SAPCD2: variants seen among roughly 807,000 people sequenced by gnomAD.
SAPCD2 encodes the protein suppressor APC domain containing 2, also known as suppressor APC domain-containing protein 2.
A neutral mutation model predicts 37.8 loss-of-function variants in SAPCD2; 34 were observed. The ratio of observed to expected loss-of-function variants is 0.90; its 90% CI spans 0.68 to 1.20. The LOEUF (loss-of-function observed/expected upper bound fraction) is 1.20, where lower values mean the gene tolerates loss of function less well. Ranked by LOEUF, SAPCD2 falls within the 50% of genes most tolerant of loss-of-function variation. The pLI, the probability that SAPCD2 is intolerant of heterozygous loss-of-function variation, is 0.00. For synonymous variants in SAPCD2, 275 were observed against 270.3 expected (o/e 1.02, Z -0.17); for missense variants, 572 against 584.7 (o/e 0.98, Z 0.22).
chr9:137,066,195 G>T (rs747582550), intron 2 of SAPCD2, 67 bp downstream of exon 2: 5 of 1,274,312 alleles, frequency 3.9e-6, no homozygotes, highest in Non-Finnish European at 5.5e-6. Flanking sequence ...AGGCCCCCCT[G>T]CTCCCATCCC....
chr9:137,064,846 T>C lies in SAPCD2; in HGVS notation c.1056+17A>G. The C allele has an allele frequency of 6.4e-7, 1 of 1,569,608 alleles. No individual in the cohort carries two copies. The highest frequency in any genetic ancestry group is 1.8e-5 in the Admixed American group (1 of 54,156). ...GGCCTCACCCCCACCCCTGCACCCCTCCCGCGCCTGCCCTACCTGGGTGAG... is the reference window on the plus strand; with the variant it reads ...GGCCTCACCCCCACCCCTGCACCCCCCCCGCGCCTGCCCTACCTGGGTGAG... On this transcript the variant is annotated intron_variant, in intron 5 of 5. Transcript: ENST00000409687.
rs1832511391 is a variant in SAPCD2 at position 137,064,435 on chromosome 9, T to C, written c.*224A>G. On this transcript the variant is annotated 3_prime_UTR_variant, in exon 6 of 6. Transcript: ENST00000409687. The stretch of plus-strand genomic sequence containing the variant: ...GCGGACTCAAGAGAGCCCCAGCCCA[T>C]GTCAGCACCAGGAGCCAAAACGGAG... 1.0e-5 allele frequency: 6 copies of C among 592,290 alleles called. No individual in the cohort carries two copies. The highest frequency in any genetic ancestry group is 9.0e-6 in the Non-Finnish European group (3 of 333,248). 36.7% of individuals were successfully genotyped at this position (592,290 alleles called of 1,614,324 possible). A position where few individuals can be genotyped will look rare whatever the true frequency, so the allele number is the denominator to read the frequency against.
chr9:137,065,080 G>A lies in SAPCD2; in HGVS notation c.937C>T (p.Arg313Trp), dbSNP rs747986989. The change falls in exon 4 of 6, where the codon CGG becomes TGG. Residue 313 changes from arginine to tryptophan, a missense_variant and splice_region_variant. Coordinates refer to ENST00000409687, the MANE Select transcript of SAPCD2 (RefSeq NM_178448.4). ...GELLAAACAS[R>W]ALPPSSSGPP... ...GTGGGGGTTTGGGGTACACTCACCCGGCTGGCACAGGCTGCAGCCAGCAGC... is the reference window on the plus strand; with the variant it reads ...GTGGGGGTTTGGGGTACACTCACCCAGCTGGCACAGGCTGCAGCCAGCAGC... 41 of 1,524,126 alleles carry A rather than the reference G, an allele frequency of 2.7e-5. No homozygotes were observed. Among genetic ancestry groups the A allele is most frequent in the South Asian group, 2.4e-4 (19 of 79,480 alleles). The allele number at this position is 1,524,126 out of a possible 1,614,324, so 94.4% of individuals were successfully genotyped here.
rs561896552 is a variant in SAPCD2 at position 137,066,128 on chromosome 9, T to G, written c.684+134A>C. 1.7e-5 allele frequency: 13 copies of G among 743,362 alleles called. No individual in the cohort carries two copies. In the African/African-American group the frequency reaches 2.3e-4, roughly 13 times the overall value. The allele number at this position is 743,362 out of a possible 1,614,324, so 46.0% of individuals were successfully genotyped here. A position where few individuals can be genotyped will look rare whatever the true frequency, so the allele number is the denominator to read the frequency against. On this transcript the variant is annotated intron_variant, in intron 2 of 5. Transcript: ENST00000409687. ...TCCCTCCAGGGGAGTCAAGCCCAGGTAGGGAGAGAGATGTCCAGAGCTGAC... is the reference window on the plus strand; with the variant it reads ...TCCCTCCAGGGGAGTCAAGCCCAGGGAGGGAGAGAGATGTCCAGAGCTGAC...
Position 137,070,407 on chromosome 9 carries a change from C to CGCGGGT in SAPCD2, c.48_53dup (p.Ala18_Pro19dup). On this transcript the variant is annotated inframe_insertion, in exon 1 of 6. Transcript: ENST00000409687. ...CGCGCGGCAGCCCCTCCGTGCTGGG[C>CGCGGGT]GCGGGTGCGGGGGGAGGCACGCGGC... The CGCGGGT allele has an allele frequency of 1.5e-6, 2 of 1,329,672 alleles. No individual in the cohort carries two copies. 82.4% of individuals were successfully genotyped at this position (1,329,672 alleles called of 1,614,324 possible).
chr9:137,067,572 A>G (rs548914706), intron 1 of SAPCD2, among the ~76,000 whole-genome samples: 148 of 151,180 alleles, frequency 9.8e-4, no homozygotes, highest in African/African-American at 3.4e-3. Flanking sequence ...TCAGGAGTTC[A>G]AGACCAGCCT....
At chr9:137,069,309 C>G (rs896507625) in intron 1 of SAPCD2, among the ~76,000 whole-genome samples, 1 of 152,220 alleles carries the variant, frequency 6.6e-6, no homozygotes, top group Non-Finnish European at 1.5e-5. Flanking sequence ...TGCCATAGTA[C>G]AGCCCCACTG....
chr9:137,067,717 T>C (rs573082706), intron 1 of SAPCD2, among the ~76,000 whole-genome samples: 10 of 129,122 alleles, frequency 7.7e-5, no homozygotes, highest in African/African-American at 3.0e-4. Context: ...GAGGTTGCAG[T>C]GAGCTGAGAT....
At chr9:137,069,866 G>A (rs1005928457) in intron 1 of SAPCD2, 24 bp downstream of exon 1, 2 of 1,248,362 alleles carry the variant, frequency 1.6e-6, no homozygotes, top group Middle Eastern at 3.1e-4. Context: ...CTACGAGGGT[G>A]CCCGGGGGCC....
At position 137,070,452 on chromosome 9, in the gene SAPCD2, C is replaced by T. The variant is rs1275642845; in HGVS notation, c.9G>A (p.Gly3=). The part of the protein sequence containing the change: MA[G]AAMAERGRVP... The stretch of plus-strand genomic sequence containing the variant: ...CGCGGCCCCGCTCGGCCATGGCGGC[C>T]CCGGCCATGGGCGCCCGGGATCGGT... The change falls in exon 1 of 6, where the codon GGG becomes GGA. Residue 3 remains glycine, a synonymous_variant. Coordinates refer to ENST00000409687, the MANE Select transcript of SAPCD2 (RefSeq NM_178448.4). The T allele has an allele frequency of 2.4e-6, 3 of 1,236,736 alleles. No individual in the cohort carries two copies. The South Asian group carries it at 1.0e-4, about 41-fold the overall frequency. The allele number at this position is 1,236,736 out of a possible 1,614,324, so 76.6% of individuals were successfully genotyped here.
rs558610367 is a variant in SAPCD2 at position 137,064,194 on chromosome 9, G to A, written c.*465C>T. The A allele has an allele frequency of 2.4e-3, 491 of 208,324 alleles. 4 individuals are homozygous for A. The highest frequency in any genetic ancestry group is 0.011 in the African/African-American group (472 of 41,964). The allele number at this position is 208,324 out of a possible 1,614,324, so 12.9% of individuals were successfully genotyped here. A position where few individuals can be genotyped will look rare whatever the true frequency, so the allele number is the denominator to read the frequency against. On this transcript the variant is annotated 3_prime_UTR_variant, in exon 6 of 6. Coordinates refer to ENST00000409687, the MANE Select transcript of SAPCD2 (RefSeq NM_178448.4). ...CGTCCGTCCGAGCTACAGCCACCTC[G>A]TCCTGGTGCCCTGGTTGAGCGGGAA...
At position 137,070,130 on chromosome 9, in the gene SAPCD2, G is replaced by A; in HGVS notation, c.331C>T (p.Arg111Trp). The A allele has an allele frequency of 6.7e-6, 8 of 1,196,452 alleles. No individual in the cohort carries two copies. The Admixed American group carries it at 3.6e-4, about 54-fold the overall frequency. 74.1% of individuals were successfully genotyped at this position (1,196,452 alleles called of 1,614,324 possible). A position where few individuals can be genotyped will look rare whatever the true frequency, so the allele number is the denominator to read the frequency against. Reference protein sequence around the residue: ...GPRDPTRAPARPGDQPPPPPQ... With the variant: ...GPRDPTRAPAWPGDQPPPPPQ... ...GGCGGCGGCGGCTGATCCCCGGGCCGGGCCGGGGCGCGCGTGGGGTCCCGG... is the reference window on the plus strand; with the variant it reads ...GGCGGCGGCGGCTGATCCCCGGGCCAGGCCGGGGCGCGCGTGGGGTCCCGG... Residue 111 changes from arginine to tryptophan, a missense_variant, in exon 1 of 6, where the codon CGG becomes TGG. By Grantham distance (101) the Arg-to-Trp change is moderately radical (BLOSUM62 -3). Transcript: ENST00000409687.
In SAPCD2 at chr9:137,063,145, A is replaced by T. The variant is rs940826217; in HGVS notation, c.*1514T>A. Reference sequence around the variant, plus strand: ...CTGGGGCTGTGGGGCACAGGCCCTCAGGACCTGCACCCTTTCCTGCCCAGG... The same window carrying T: ...CTGGGGCTGTGGGGCACAGGCCCTCTGGACCTGCACCCTTTCCTGCCCAGG... On this transcript the variant is annotated 3_prime_UTR_variant, in exon 6 of 6. Coordinates refer to ENST00000409687, the MANE Select transcript of SAPCD2 (RefSeq NM_178448.4). The T allele has an allele frequency of 6.6e-6, 1 of 152,278 alleles. No homozygotes were observed. The highest frequency in any genetic ancestry group is 2.4e-5 in the African/African-American group (1 of 41,462). The allele number at this position is 152,278 out of a possible 1,614,324, so 9.4% of individuals were successfully genotyped here.
In SAPCD2 at chr9:137,069,973, G is replaced by A. The variant is rs1832600131; in HGVS notation, c.488C>T (p.Ala163Val). The change falls in exon 1 of 6, where the codon GCC (alanine) becomes GTC (valine). Residue 163 changes from alanine (A) to valine (V), a missense_variant. Transcript: ENST00000409687. ...AAARSPEQLC[A>V]PAEAAPCPAE... ...GGGGCAGGGCGCCGCCTCAGCCGGG[G>A]CGCACAGCTGCTCCGGGCTGCGGGC... 1 of 1,243,248 alleles carries A rather than the reference G, an allele frequency of 8.0e-7. No individual in the cohort carries two copies. The highest frequency in any genetic ancestry group is 1.0e-6 in the Non-Finnish European group (1 of 994,782). The allele number at this position is 1,243,248 out of a possible 1,614,324, so 77.0% of individuals were successfully genotyped here.
chr9:137,065,230 C>T (rs111667326), intron 3 of SAPCD2, 45 bp from the exon 4 acceptor site: 32 of 1,353,032 alleles, frequency 2.4e-5, no homozygotes, highest in African/African-American at 1.5e-4. Flanking sequence ...GAGGTCCAGC[C>T]GGGGCCAGCA....
chr9:137,070,446 G>A lies in SAPCD2; in HGVS notation c.15C>T (p.Ala5=), dbSNP rs12351042. 9.1e-4 allele frequency: 1,130 copies of A among 1,240,648 alleles called. 14 individuals carry two copies. In the African/African-American group the frequency reaches 0.016, roughly 18 times the overall value. 76.9% of individuals were successfully genotyped at this position (1,240,648 alleles called of 1,614,324 possible). A position where few individuals can be genotyped will look rare whatever the true frequency, so the allele number is the denominator to read the frequency against. ...GAGGCACGCGGCCCCGCTCGGCCAT[G>A]GCGGCCCCGGCCATGGGCGCCCGGG... is the stretch of plus-strand genomic sequence containing the variant. The part of the protein sequence containing the change: MAGA[A]MAERGRVPPP... The change falls in exon 1 of 6, where the codon GCC becomes GCT. Residue 5 remains alanine, a synonymous_variant. Coordinates refer to ENST00000409687, the MANE Select transcript of SAPCD2 (RefSeq NM_178448.4).
At chr9:137,067,571 C>T (rs528936568) in intron 1 of SAPCD2, among the ~76,000 whole-genome samples, 4 of 150,712 alleles carry the variant, frequency 2.7e-5, no homozygotes, top group Admixed American at 2.0e-4. Context: ...GTCAGGAGTT[C>T]AAGACCAGCC....
chr9:137,065,275 C>T, intron 3 of SAPCD2, 90 bp from the exon 4 acceptor site: 2 of 1,017,740 alleles, frequency 2.0e-6, no homozygotes, highest in South Asian at 1.7e-5. Flanking sequence ...AGGTGGCTCT[C>T]CTGCCTCCTG....
chr9:137,065,012 G>C (rs1832523187), intron 4 of SAPCD2, 33 bp from the exon 5 acceptor site: 1 of 1,489,980 alleles, frequency 6.7e-7, no homozygotes, highest in Admixed American at 2.0e-5. Flanking sequence ...AGGCCTGGAC[G>C]AGGGCGGGGA....
Sources: allele counts gnomAD v4.1 joint callset (sites outside exome capture counted in the v4.1 genomes callset), GRCh38; gene constraint gnomAD v4.1.1; transcripts MANE v1.5; gene names NCBI Gene and HGNC (gene_info 2026-07-23, HGNC 2026-07-21).